Variants in FBXW7 observed in about 807,000 individuals in gnomAD.
The protein encoded by FBXW7 is F-box and WD repeat domain containing 7.
A neutral mutation model predicts 86.3 loss-of-function variants in FBXW7; 11 were observed. The ratio of observed to expected loss-of-function variants is 0.13; its 90% CI spans 0.08 to 0.21. The LOEUF (loss-of-function observed/expected upper bound fraction) is 0.21. Ranked by LOEUF, FBXW7 falls within the 10% of genes least tolerant of loss-of-function variation. The pLI is 1.00. For missense variants in FBXW7, 488 were observed against 847.4 expected (o/e 0.58, Z 5.27); for synonymous variants, 313 against 297.9 (o/e 1.05, Z -0.52).
chr4:152,444,682 G>T (rs1378630680), intron 2 of FBXW7, among the ~76,000 whole-genome samples: 1 of 152,188 alleles, frequency 6.6e-6, no homozygotes, highest in Non-Finnish European at 1.5e-5. Context: ...ATCATTGGTT[G>T]TAACAATTTG....
At chr4:152,417,989 T>C (rs1738598948) in intron 2 of FBXW7, among the ~76,000 whole-genome samples, 1 of 152,106 alleles carries the variant, frequency 6.6e-6, no homozygotes, top group Admixed American at 6.6e-5. Context: ...AGACCCAAAC[T>C]AACACAAAAA....
intron 4 of FBXW7, chr4:152,352,750 GAGA>G (rs1437441316): frequency 3.1e-6 from 5 of 1,611,008 alleles, no homozygotes; most frequent in Admixed American, 3.3e-5. Flanking sequence ...CAGCTTGACT[GAGA>G]AGAACTCGAG....
chr4:152,355,869 T>C (rs1211962868), intron 4 of FBXW7, among the ~76,000 whole-genome samples: 1 of 152,120 alleles, frequency 6.6e-6, no homozygotes, highest in African/African-American at 2.4e-5. Context: ...ATAGAATCAT[T>C]AACCCGTGAG....
intron 12 of FBXW7, 90 bp downstream of exon 12, chr4:152,325,916 A>G: frequency 1.9e-6 from 2 of 1,054,718 alleles, no homozygotes; most frequent in South Asian, 2.7e-5. Flanking sequence ...TTTGGACTGT[A>G]CTGGATCAGC....
intron 2 of FBXW7, among the ~76,000 whole-genome samples, chr4:152,418,127 C>CCACA (rs3047865): frequency 0.028 from 4,004 of 143,886 alleles, 93 homozygotes; most frequent in Admixed American, 0.077. Context: ...ACAGCTCTTA[C>CCACA]CACACACACA....
chr4:152,528,343 G>T (rs914069861), intron 2 of FBXW7, among the ~76,000 whole-genome samples: 1 of 152,212 alleles, frequency 6.6e-6, no homozygotes. Context: ...GATGGGGGAA[G>T]AGCAGAAGAT....
chr4:152,516,577 G>T (rs543807772), intron 2 of FBXW7, among the ~76,000 whole-genome samples: 4 of 152,114 alleles, frequency 2.6e-5, no homozygotes, highest in African/African-American at 4.8e-5. Context: ...TAGATTTGAG[G>T]AAACATGGTT....
intron 2 of FBXW7, among the ~76,000 whole-genome samples, chr4:152,429,558 A>T (rs1739703426): frequency 6.6e-6 from 1 of 152,152 alleles, no homozygotes; most frequent in Non-Finnish European, 1.5e-5. Context: ...TTCTCTTGAT[A>T]CAGCAAGATA....
chr4:152,523,590 G>C (rs1040682335), intron 2 of FBXW7, among the ~76,000 whole-genome samples: 1 of 152,160 alleles, frequency 6.6e-6, no homozygotes, highest in Non-Finnish European at 1.5e-5. Context: ...TCAAGGAAAT[G>C]ATGAAAACTA....
chr4:152,415,596 A>G (rs567970844), intron 2 of FBXW7, among the ~76,000 whole-genome samples: 2 of 152,256 alleles, frequency 1.3e-5, no homozygotes, highest in South Asian at 2.1e-4. Flanking sequence ...GCATGATGAA[A>G]TAAGTTTTAT....
chr4:152,412,432 G>C (rs985101734), intron 3 of FBXW7, 48 bp downstream of exon 3: 1 of 150,860 alleles, frequency 6.6e-6, no homozygotes, highest in African/African-American at 2.4e-5. Flanking sequence ...TGACTGGACA[G>C]AAAATGAACA....
chr4:152,403,744 G>A (rs1737155054), intron 4 of FBXW7, among the ~76,000 whole-genome samples: 1 of 152,142 alleles, frequency 6.6e-6, no homozygotes, highest in Non-Finnish European at 1.5e-5. Flanking sequence ...GCGGAGCACA[G>A]GCGGTAATGC....
intron 4 of FBXW7, among the ~76,000 whole-genome samples, chr4:152,360,230 C>T (rs886357371): frequency 6.6e-6 from 1 of 152,136 alleles, no homozygotes; most frequent in Non-Finnish European, 1.5e-5. Context: ...GAGAACTTTA[C>T]TGTGTGGGTG....
intron 2 of FBXW7, among the ~76,000 whole-genome samples, chr4:152,495,278 TA>T (rs775132098): frequency 1.3e-5 from 2 of 150,132 alleles, no homozygotes; most frequent in South Asian, 4.2e-4. Flanking sequence ...ACTAAAAATT[TA>T]AAAAAAAACA....
At chr4:152,331,633 G>C (rs1158356419) in intron 8 of FBXW7, among the ~76,000 whole-genome samples, 1 of 152,038 alleles carries the variant, frequency 6.6e-6, no homozygotes, top group East Asian at 1.9e-4. Flanking sequence ...TCTGAACACA[G>C]ATGGTAGTGA....
chr4:152,506,332 C>T (rs538911969), intron 2 of FBXW7, among the ~76,000 whole-genome samples: 1 of 152,104 alleles, frequency 6.6e-6, no homozygotes, highest in African/African-American at 2.4e-5. Flanking sequence ...GGGGTTTCAC[C>T]GTGTTAGCCA....
intron 2 of FBXW7, among the ~76,000 whole-genome samples, chr4:152,483,069 T>C (rs2149672949): frequency 6.6e-6 from 1 of 152,242 alleles, no homozygotes; most frequent in Middle Eastern, 3.4e-3. Context: ...CTGGTGAACA[T>C]TCAGATTATT....
intron 2 of FBXW7, among the ~76,000 whole-genome samples, chr4:152,465,884 T>C (rs781208690): frequency 8.2e-4 from 123 of 150,370 alleles, no homozygotes; most frequent in Non-Finnish European, 1.4e-3. Context: ...ACCCATCTAA[T>C]AGCCACTCAA....
rs1392145123 is a variant in FBXW7 at position 152,380,909 on chromosome 4, C to T, written c.501+30394G>A. 2.0e-5 allele frequency among the ~76,000 whole-genome samples: 3 copies of T among 151,638 alleles called. No individual in the cohort carries two copies. In the South Asian group the frequency reaches 6.2e-4, roughly 32 times the overall value. On this transcript the variant is annotated intron_variant, in intron 4 of 13. Transcript: ENST00000281708. The stretch of plus-strand genomic sequence containing the variant: ...TTAGTGACTTTAAAGCTATTAGAGG[C>T]CTCTATAAAATACTCAAATCAGAGC...
Sources: allele counts gnomAD v4.1 joint callset (sites outside exome capture counted in the v4.1 genomes callset), GRCh38; gene constraint gnomAD v4.1.1; transcripts MANE v1.5; gene names NCBI Gene and HGNC (gene_info 2026-07-23, HGNC 2026-07-21).